The following SRCIN1 variants were observed in gnomAD, a reference collection of about 807,000 sequenced individuals.
SRCIN1 encodes SRC kinase signaling inhibitor 1.
Under a neutral mutation model 116.2 loss-of-function variants are expected in SRCIN1, and 50 were observed. That is an observed-to-expected ratio of 0.43 (90% confidence interval 0.34 to 0.54). The LOEUF is 0.54. Among genes scored for constraint, SRCIN1 ranks in the 20% least tolerant of loss-of-function variants. The pLI, the probability that SRCIN1 is intolerant of heterozygous loss-of-function variation, is 0.02. For missense variants in SRCIN1, 1,446 were observed against 1,672.0 expected, an observed-to-expected ratio of 0.86 and a Z score of 2.36; for synonymous variants, 736 against 750.0, an observed-to-expected ratio of 0.98 and a Z score of 0.30.
At chr17:38,573,090 G>A (rs1015646441) in intron 2 of SRCIN1, among the ~76,000 whole-genome samples, 13 of 152,184 alleles carry the variant, frequency 8.5e-5, no homozygotes, top group Admixed American at 2.6e-4. Context: ...CCGGGGGAGG[G>A]GCTTTGGCTT....
chr17:38,600,843 T>A (rs1908982217), intron 1 of SRCIN1, among the ~76,000 whole-genome samples: 2 of 152,034 alleles, frequency 1.3e-5, no homozygotes, highest in Non-Finnish European at 2.9e-5. Context: ...ACTACAGCCA[T>A]CCCCCCAACC....
At chr17:38,545,351 T>A (rs1905014427) in intron 17 of SRCIN1, 1 of 148,820 alleles carries the variant, frequency 6.7e-6, no homozygotes, top group Non-Finnish European at 1.5e-5. Flanking sequence ...GTGGGAGCTG[T>A]CCTGGGTCCC....
chr17:38,567,516 T>A (rs1906800718), intron 3 of SRCIN1, among the ~76,000 whole-genome samples: 1 of 152,138 alleles, frequency 6.6e-6, no homozygotes, highest in African/African-American at 2.4e-5. Flanking sequence ...CTGGGTGGGA[T>A]GCCTCCCACC....
rs1255498470 is a variant in SRCIN1 at position 38,604,245 on chromosome 17, G to C, written c.22+1439C>G. ...AAGGAACATTCAGGCCCACAAACCT[G>C]GAAGTCTGGTCAGCTTCCCTCACTC... On this transcript the variant is annotated intron_variant, in intron 1 of 18. Coordinates refer to ENST00000617146, the MANE Select transcript of SRCIN1 (RefSeq NM_025248.3). The surrounding 1 kb of genome is among the most constrained non-coding windows in gnomAD (Gnocchi z 4.3). Among the ~76,000 whole-genome samples, 1 of 152,038 alleles carries C rather than the reference G, an allele frequency of 6.6e-6. No homozygotes were observed. Among genetic ancestry groups the C allele is most frequent in the African/African-American group, 2.4e-5 (1 of 41,386 alleles).
At chr17:38,534,949 ACCT>A (rs2040978876) in intron 18 of SRCIN1, among the ~76,000 whole-genome samples, 1 of 151,944 alleles carries the variant, frequency 6.6e-6, no homozygotes, top group Non-Finnish European at 1.5e-5. Context: ...ACATGGCGAG[ACCT>A]CGTCTCTACT....
intron 2 of SRCIN1, among the ~76,000 whole-genome samples, chr17:38,573,459 C>G (rs1325203576): frequency 2.6e-5 from 4 of 152,196 alleles, no homozygotes; most frequent in Non-Finnish European, 5.9e-5. Context: ...ATGAAAAGAT[C>G]CTATGCACAG....
At position 38,562,760 on chromosome 17, in the gene SRCIN1, C is replaced by T; in HGVS notation, c.834+67G>A. 2 of 1,430,328 alleles carry T rather than the reference C, an allele frequency of 1.4e-6. No individual in the cohort carries two copies. Among genetic ancestry groups the T allele is most frequent in the Non-Finnish European group, 1.9e-6 (2 of 1,030,000 alleles). The allele number at this position is 1,430,328 out of a possible 1,614,324, so 88.6% of individuals were successfully genotyped here. On this transcript the variant is annotated intron_variant, in intron 6 of 18. Transcript: ENST00000617146. The surrounding 1 kb of genome is among the most constrained non-coding windows in gnomAD (Gnocchi z 4.2). Reference sequence around the variant, plus strand: ...GGCCCTGGTTCCAGATGACAACTGCCCAGACCCTGCTCCCCTGGACCCCAT... The same window carrying T: ...GGCCCTGGTTCCAGATGACAACTGCTCAGACCCTGCTCCCCTGGACCCCAT...
intron 1 of SRCIN1, among the ~76,000 whole-genome samples, chr17:38,598,101 T>C (rs891712411): frequency 4.6e-5 from 7 of 151,974 alleles, no homozygotes; most frequent in African/African-American, 1.7e-4. Flanking sequence ...AGCCCAGAAG[T>C]TCTGGGGTGG....
Position 38,552,882 on chromosome 17 carries a change from C to T in SRCIN1, c.2202-27G>A, listed in dbSNP as rs761348933. The T allele has an allele frequency of 1.3e-6, 2 of 1,599,180 alleles. No individual in the cohort carries two copies. Among genetic ancestry groups the T allele is most frequent in the Non-Finnish European group, 1.7e-6 (2 of 1,171,276 alleles). On this transcript the variant is annotated intron_variant, in intron 11 of 18. Transcript: ENST00000617146. This position sits in a 1 kb window ranked among gnomAD's most constrained non-coding sequence, Gnocchi z 5.3. The stretch of plus-strand genomic sequence containing the variant: ...TGCAGCCACAGAGAGACCCTTTCAG[C>T]CCTTTTGGCCTGAGATGCCAGCCCA...
At chr17:38,595,509 C>T (rs1567885207) in intron 1 of SRCIN1, among the ~76,000 whole-genome samples, 1 of 152,206 alleles carries the variant, frequency 6.6e-6, no homozygotes, top group Non-Finnish European at 1.5e-5. Context: ...AGCCACCGCG[C>T]CTGGCCTTCA....
At chr17:38,540,274 C>G (rs756004977) in intron 18 of SRCIN1, among the ~76,000 whole-genome samples, 5 of 152,168 alleles carry the variant, frequency 3.3e-5, no homozygotes, top group Non-Finnish European at 7.4e-5. Flanking sequence ...CAAGGCACCT[C>G]CATCTTAGAA....
chr17:38,606,933 C>T (rs2081613793), upstream of SRCIN1, among the ~76,000 whole-genome samples: 2 of 152,204 alleles, frequency 1.3e-5, no homozygotes, highest in African/African-American at 4.8e-5. This position sits in a 1 kb window ranked among gnomAD's most constrained non-coding sequence, Gnocchi z 5.2. Flanking sequence ...GTCCCCTGTC[C>T]CTTTTATTTA....
intron 18 of SRCIN1, among the ~76,000 whole-genome samples, chr17:38,539,139 C>A (rs1294372545): frequency 6.6e-6 from 1 of 152,206 alleles, no homozygotes; most frequent in Non-Finnish European, 1.5e-5. Context: ...CTACGTATGC[C>A]AAGCACTATT....
intron 1 of SRCIN1, among the ~76,000 whole-genome samples, chr17:38,579,265 G>A (rs919469726): frequency 6.6e-6 from 1 of 152,198 alleles, no homozygotes; most frequent in East Asian, 1.9e-4. Flanking sequence ...GTTGGGGGCG[G>A]GGAGCCCTGC....
chr17:38,561,939 C>T lies in SRCIN1; in HGVS notation c.1224G>A (p.Leu408=). 1 of 1,462,962 alleles carries T rather than the reference C, an allele frequency of 6.8e-7. No individual in the cohort carries two copies. Among genetic ancestry groups the T allele is most frequent in the South Asian group, 1.3e-5 (1 of 74,418 alleles). 90.6% of individuals were successfully genotyped at this position (1,462,962 alleles called of 1,614,324 possible). ...GGTCGCCGGCGGCCGCGGCCAGGCT[C>T]AGACGGCCCTCGTGCAGCAGCCCGT... The part of the protein sequence containing the change: ...DPYGLLHEGR[L]SLAAAAGDPF... The change falls in exon 7 of 19, where the codon CTG becomes CTA. Residue 408 remains leucine, a synonymous_variant. Coordinates refer to ENST00000617146, the MANE Select transcript of SRCIN1 (RefSeq NM_025248.3).
intron 15 of SRCIN1, among the ~76,000 whole-genome samples, chr17:38,550,331 A>G (rs1905306046): frequency 6.6e-6 from 1 of 151,962 alleles, no homozygotes; most frequent in Non-Finnish European, 1.5e-5. Flanking sequence ...CATCTCTACT[A>G]AAAATACAAA....
At chr17:38,598,821 T>C (rs937827651) in intron 1 of SRCIN1, among the ~76,000 whole-genome samples, 3 of 152,138 alleles carry the variant, frequency 2.0e-5, no homozygotes, top group Non-Finnish European at 4.4e-5. Flanking sequence ...CCGGATGGAA[T>C]GGAGTGTGGC....
chr17:38,554,289 G>A (rs1180799588), intron 11 of SRCIN1, among the ~76,000 whole-genome samples: 4 of 152,046 alleles, frequency 2.6e-5, no homozygotes, highest in Non-Finnish European at 5.9e-5. Flanking sequence ...GAAAGCACGC[G>A]GCAAAGGGCT....
intron 9 of SRCIN1, 141 bp from the exon 10 acceptor site, chr17:38,559,913 C>A (rs1472808050): frequency 1.2e-5 from 17 of 1,371,002 alleles, no homozygotes; most frequent in South Asian, 5.2e-5. Context: ...AAGTGGTCAG[C>A]CCTAACGGTG....
Sources: gnomAD v4.1 joint callset for allele counts (sites outside exome capture counted in the v4.1 genomes callset) on GRCh38, gnomAD v4.1.1 for gene constraint, Gnocchi (gnomAD v3.1) non-coding constraint, MANE v1.5 for transcripts, NCBI Gene and HGNC (gene_info 2026-07-23, HGNC 2026-07-21) for gene names.